Variants in CWH43 observed in about 807,000 individuals in gnomAD.
CWH43 encodes the protein PGAP2-interacting protein.
Under a neutral mutation model 85.7 loss-of-function variants are expected in CWH43, and 91 were observed. That is an observed-to-expected ratio of 1.06 (90% CI 0.90 to 1.26). The LOEUF (loss-of-function observed/expected upper bound fraction) is 1.26. CWH43 is among the 50% of genes most tolerant of loss of function. The pLI is 0.00. For synonymous variants in CWH43, 323 were observed against 293.6 expected (o/e 1.10, Z -1.02); for missense variants, 869 against 839.2 (o/e 1.04, Z -0.44).
intron 9 of CWH43, among the ~76,000 whole-genome samples, chr4:49,026,572 T>C (rs1783924499): frequency 7.0e-6 from 1 of 142,192 alleles, no homozygotes; most frequent in African/African-American, 2.5e-5. Context: ...CCAAAGTTCA[T>C]TGTATAACTC....
chr4:49,050,224 T>C (rs572638981), intron 14 of CWH43, among the ~76,000 whole-genome samples: 1 of 152,224 alleles, frequency 6.6e-6, no homozygotes, highest in Non-Finnish European at 1.5e-5. Context: ...TCCCCAGGAA[T>C]TGAAAGCTCT....
At chr4:48,989,820 G>C (rs7674928) in intron 2 of CWH43, among the ~76,000 whole-genome samples, 84,981 of 152,134 alleles carry the variant, frequency 0.56, 27,073 homozygotes, top group Middle Eastern at 0.74. Flanking sequence ...CATAGGAATT[G>C]AAAGACATGT....
intron 8 of CWH43, among the ~76,000 whole-genome samples, chr4:49,011,613 C>A (rs1266187317): frequency 6.6e-6 from 1 of 152,134 alleles, no homozygotes; most frequent in Non-Finnish European, 1.5e-5. Flanking sequence ...CGTGTTTTTG[C>A]AGGTACCGGT....
At chr4:48,986,965 A>G (rs924458911) in intron 1 of CWH43, among the ~76,000 whole-genome samples, 1 of 152,200 alleles carries the variant, frequency 6.6e-6, no homozygotes, top group African/African-American at 2.4e-5. Flanking sequence ...TGTCGGCTGC[A>G]CACTTGGGCA....
At chr4:48,988,302 A>G (rs535389396) in intron 1 of CWH43, among the ~76,000 whole-genome samples, 175 bp from the exon 2 acceptor site, 2 of 152,254 alleles carry the variant, frequency 1.3e-5, no homozygotes, top group South Asian at 2.1e-4. Context: ...GGATCCCTAC[A>G]CAGGTGTAGA....
rs538498525 is a variant in CWH43 at position 49,009,591 on chromosome 4, G to A, written c.1186+2265G>A. The stretch of plus-strand genomic sequence containing the variant: ...GAATGCTTCCAGTTTTTGCCCATTC[G>A]GTATGATATTGACTGTGGGTTTGTC... On this transcript the variant is annotated intron_variant, in intron 8 of 15. Coordinates refer to ENST00000226432, the MANE Select transcript of CWH43 (RefSeq NM_025087.3). Among the ~76,000 whole-genome samples, 6 of 152,066 alleles carry A rather than the reference G, an allele frequency of 3.9e-5. No homozygotes were observed. In the South Asian group the frequency reaches 6.2e-4, roughly 16 times the overall value.
At chr4:49,060,443 T>A (rs1314416536) in intron 15 of CWH43, among the ~76,000 whole-genome samples, 2 of 152,090 alleles carry the variant, frequency 1.3e-5, no homozygotes, top group Non-Finnish European at 2.9e-5. Flanking sequence ...TTGTTGGGGC[T>A]GGCCTGGTGT....
intron 9 of CWH43, among the ~76,000 whole-genome samples, 199 bp downstream of exon 9, chr4:49,017,527 T>A (rs1163837925): frequency 6.6e-6 from 1 of 152,220 alleles, no homozygotes; most frequent in South Asian, 2.1e-4. Flanking sequence ...GATAGGCCCA[T>A]ACACTAGAGG....
At chr4:49,039,306 G>GAGATATAT (rs1553916914) in intron 13 of CWH43, among the ~76,000 whole-genome samples, 1 of 4,592 alleles carries the variant, frequency 2.2e-4, no homozygotes, top group African/African-American at 4.3e-4. Flanking sequence ...TCAGGAGACT[G>GAGATATAT]ATATATATAT....
chr4:49,017,700 T>C (rs1783601236), intron 9 of CWH43, among the ~76,000 whole-genome samples: 2 of 152,306 alleles, frequency 1.3e-5, no homozygotes, highest in South Asian at 4.1e-4. Flanking sequence ...CTACAGGCTG[T>C]TCAGAAAGCA....
intron 8 of CWH43, among the ~76,000 whole-genome samples, chr4:49,013,509 A>G (rs1783436003): frequency 6.6e-6 from 1 of 152,204 alleles, no homozygotes; most frequent in Non-Finnish European, 1.5e-5. Context: ...CCACTGTGCA[A>G]CCAGTTCCAA....
intron 14 of CWH43, among the ~76,000 whole-genome samples, chr4:49,045,261 T>C (rs1490593742): frequency 1.3e-5 from 2 of 152,130 alleles, no homozygotes; most frequent in Non-Finnish European, 2.9e-5. Context: ...GTTAACTAAT[T>C]TGATGGGGCC....
chr4:49,056,135 A>G (rs1784949988), intron 15 of CWH43, among the ~76,000 whole-genome samples: 1 of 126,000 alleles, frequency 7.9e-6, no homozygotes, highest in Non-Finnish European at 1.6e-5. Flanking sequence ...CTCATTGTTC[A>G]ATTCCCACCT....
At chr4:49,012,616 A>C (rs191707521) in intron 8 of CWH43, among the ~76,000 whole-genome samples, 1 of 152,244 alleles carries the variant, frequency 6.6e-6, no homozygotes, top group African/African-American at 2.4e-5. Context: ...GGTTTTATCT[A>C]TCTTTGGTCT....
At chr4:49,061,711 A>G (rs777395483) in intron 15 of CWH43, 101 bp from the exon 16 acceptor site, 12 of 1,013,658 alleles carry the variant, frequency 1.2e-5, no homozygotes, top group Non-Finnish European at 1.3e-5. Context: ...TTATTTATTC[A>G]TTTGCTATTT....
intron 9 of CWH43, among the ~76,000 whole-genome samples, chr4:49,022,054 G>A (rs1474176079): frequency 6.6e-6 from 1 of 151,830 alleles, no homozygotes; most frequent in African/African-American, 2.4e-5. Context: ...TTTTTCTCTT[G>A]TTCAATGTGC....
chr4:49,039,618 T>A (rs1014669877), intron 13 of CWH43, among the ~76,000 whole-genome samples: 5 of 151,174 alleles, frequency 3.3e-5, no homozygotes, highest in Non-Finnish European at 5.9e-5. Context: ...CTACTTTAAC[T>A]CTTCTTAGGG....
chr4:49,005,564 T>C (rs867767526), intron 7 of CWH43, among the ~76,000 whole-genome samples: 7 of 136,262 alleles, frequency 5.1e-5, no homozygotes, highest in African/African-American at 1.4e-4. Context: ...TTTTTTTTTC[T>C]TTTTTTTTTT....
chr4:49,047,623 A>G (rs938369494), intron 14 of CWH43, among the ~76,000 whole-genome samples: 1 of 150,964 alleles, frequency 6.6e-6, no homozygotes, highest in Non-Finnish European at 1.5e-5. Context: ...GCCCCAGTGC[A>G]GGAGTGCTGC....
Sources: allele counts gnomAD v4.1 joint callset (sites outside exome capture counted in the v4.1 genomes callset), GRCh38; gene constraint gnomAD v4.1.1; transcripts MANE v1.5; gene names NCBI Gene and HGNC (gene_info 2026-07-23, HGNC 2026-07-21).